SCAPER: variants seen among roughly 807,000 people sequenced by gnomAD.
SCAPER encodes S-phase cyclin A associated protein in the ER.
In SCAPER, 98 loss-of-function variants were observed where a neutral mutation model predicts 182.2. The ratio of observed to expected loss-of-function variants is 0.54; its 90% confidence interval spans 0.46 to 0.64. The LOEUF is 0.64. SCAPER is among the 30% of genes least tolerant of loss of function. SCAPER has a pLI of 0.00. For synonymous variants in SCAPER, 605 were observed against 564.6 expected, an observed-to-expected ratio of 1.07 and a Z score of -1.01; for missense variants, 1,432 against 1,690.0, an observed-to-expected ratio of 0.85 and a Z score of 2.68.
chr15:76,564,334 T>C (rs1567470239), intron 23 of SCAPER, among the ~76,000 whole-genome samples: 1 of 152,158 alleles, frequency 6.6e-6, no homozygotes, highest in East Asian at 1.9e-4. Flanking sequence ...ACAAAATCAA[T>C]GTGCAAAAAT....
intron 26 of SCAPER, among the ~76,000 whole-genome samples, chr15:76,427,187 C>T (rs1435312635): frequency 2.6e-5 from 4 of 151,952 alleles, no homozygotes; most frequent in African/African-American, 9.7e-5. Context: ...ATCTTAAAAC[C>T]ACAATTAACA....
At chr15:76,569,161 A>G (rs2047260230) in intron 23 of SCAPER, among the ~76,000 whole-genome samples, 1 of 152,152 alleles carries the variant, frequency 6.6e-6, no homozygotes, top group African/African-American at 2.4e-5. Context: ...ACATTTCACC[A>G]GTAAATATTA....
rs571998295 is a variant in SCAPER at position 76,822,958 on chromosome 15, G to A, written c.394-18325C>T. Among the ~76,000 whole-genome samples, 4 of 152,132 alleles carry A rather than the reference G, an allele frequency of 2.6e-5. No homozygotes were observed. In the East Asian group the frequency reaches 7.7e-4, roughly 29 times the overall value. ...ACCAGTCTCATACCATTCTCACTTT[G>A]CCATAAAGATATACCAGTCTCACCT... On this transcript the variant is annotated intron_variant, in intron 5 of 31. Transcript: ENST00000563290.
At chr15:76,774,265 C>CAAA in intron 9 of SCAPER, 5 of 224,606 alleles carry the variant, frequency 2.2e-5, no homozygotes, top group South Asian at 9.9e-5. Flanking sequence ...GGACAATGTA[C>CAAA]AAAAAAAAAA....
At chr15:76,579,851 C>G (rs2048138768) in intron 22 of SCAPER, among the ~76,000 whole-genome samples, 1 of 151,770 alleles carries the variant, frequency 6.6e-6, no homozygotes. Context: ...AAATGGAAAC[C>G]AAACAAGAGT....
chr15:76,510,258 G>T (rs575905459), intron 23 of SCAPER, among the ~76,000 whole-genome samples: 1 of 152,222 alleles, frequency 6.6e-6, no homozygotes, highest in Non-Finnish European at 1.5e-5. Context: ...CTTTTGCATG[G>T]CAAAAGGAAC....
At position 76,446,290 on chromosome 15, in the gene SCAPER, C is replaced by A. The variant is rs1430568680; in HGVS notation, c.3079-11980G>T. ...AATCAAGGTGACACGTGAAAGTGCTCAAAAATTATAAAGCACTAAACAAGC... is the reference window on the plus strand; with the variant it reads ...AATCAAGGTGACACGTGAAAGTGCTAAAAAATTATAAAGCACTAAACAAGC... On this transcript the variant is annotated intron_variant, in intron 25 of 31. Transcript: ENST00000563290. Among the ~76,000 whole-genome samples, 8 of 152,146 alleles carry A rather than the reference C, an allele frequency of 5.3e-5. 1 individual carries two copies. In the South Asian group the frequency reaches 1.2e-3, roughly 24 times the overall value.
At chr15:76,713,918 A>G (rs186682490) in intron 17 of SCAPER, among the ~76,000 whole-genome samples, 4 of 152,302 alleles carry the variant, frequency 2.6e-5, no homozygotes, top group Admixed American at 1.3e-4. Context: ...AATGGCCACA[A>G]AAAGACTCAT....
Position 76,348,642 on chromosome 15 carries a change from C to A in SCAPER, c.4194G>T (p.Glu1398Asp). ...EEARQFFLKK[E>D]KK ...GAATCAACCAAAACATTTATTTTTTCTCTTTTTTCAAGAAAAACTGTCGAG... is the reference window on the plus strand; with the variant it reads ...GAATCAACCAAAACATTTATTTTTTATCTTTTTTCAAGAAAAACTGTCGAG... Residue 1398 changes from glutamate to aspartate, a missense_variant, in exon 32 of 32, where the codon GAG becomes GAT. Coordinates refer to ENST00000563290, the MANE Select transcript of SCAPER (RefSeq NM_020843.4). The A allele has an allele frequency of 6.5e-7, 1 of 1,541,136 alleles. No individual in the cohort carries two copies. Among genetic ancestry groups the A allele is most frequent in the Non-Finnish European group, 8.8e-7 (1 of 1,141,928 alleles).
At chr15:76,645,376 T>A (rs531816076) in intron 21 of SCAPER, among the ~76,000 whole-genome samples, 2 of 152,324 alleles carry the variant, frequency 1.3e-5, no homozygotes, top group East Asian at 3.9e-4. Context: ...ATTATCTCTT[T>A]ATTAGTTACC....
intron 22 of SCAPER, among the ~76,000 whole-genome samples, chr15:76,580,017 T>C (rs866335561): frequency 1.3e-5 from 2 of 152,128 alleles, no homozygotes; most frequent in Non-Finnish European, 2.9e-5. Context: ...CACACAGATA[T>C]GTAAAGCAAA....
At position 76,514,901 on chromosome 15, in the gene SCAPER, G is replaced by T. The variant is rs145404162; in HGVS notation, c.2839-9927C>A. Among the ~76,000 whole-genome samples the T allele has an allele frequency of 5.0e-4, 76 of 152,280 alleles. 1 individual carries two copies. Among genetic ancestry groups the T allele is most frequent in the African/African-American group, 1.7e-3 (71 of 41,568 alleles). On this transcript the variant is annotated intron_variant, in intron 23 of 31. Coordinates refer to ENST00000563290, the MANE Select transcript of SCAPER (RefSeq NM_020843.4). ...GAAGCACAATGAGATGATGCTCCTTGTTCTGTGTTTTTCCCTTACAAGCTT... is the reference window on the plus strand; with the variant it reads ...GAAGCACAATGAGATGATGCTCCTTTTTCTGTGTTTTTCCCTTACAAGCTT...
intron 5 of SCAPER, among the ~76,000 whole-genome samples, chr15:76,816,541 C>T (rs866224787): frequency 4.3e-4 from 65 of 152,268 alleles, no homozygotes; most frequent in African/African-American, 1.5e-3. Flanking sequence ...CCTGGAATAC[C>T]ACCTAAGGAC....
chr15:76,780,877 GTAGGTCACCAACATCAA>G (rs1282765283), intron 8 of SCAPER, among the ~76,000 whole-genome samples: 1 of 152,210 alleles, frequency 6.6e-6, no homozygotes. Flanking sequence ...AACCCCATCT[GTAGGTCACCAACATCAA>G]GGATCAAAGG....
chr15:76,664,489 T>C (rs2056422339), intron 21 of SCAPER, among the ~76,000 whole-genome samples: 1 of 152,126 alleles, frequency 6.6e-6, no homozygotes, highest in South Asian at 2.1e-4. Context: ...TAGGTTTTTG[T>C]GGCAAGAAGA....
intron 8 of SCAPER, among the ~76,000 whole-genome samples, chr15:76,791,474 G>T (rs1436102981): frequency 6.6e-6 from 1 of 152,072 alleles, no homozygotes; most frequent in Non-Finnish European, 1.5e-5. Flanking sequence ...AGGGTGCAGG[G>T]GAAGTGAGTC....
intron 8 of SCAPER, among the ~76,000 whole-genome samples, chr15:76,786,609 T>C (rs184161345): frequency 3.7e-4 from 56 of 152,280 alleles, no homozygotes; most frequent in African/African-American, 1.3e-3. Flanking sequence ...ACCATGCTTA[T>C]TCAATAGCTT....
intron 14 of SCAPER, among the ~76,000 whole-genome samples, chr15:76,758,189 G>GT (rs1311255486): frequency 1.3e-5 from 2 of 151,932 alleles, no homozygotes; most frequent in Non-Finnish European, 1.5e-5. Context: ...TTTTCTGCAA[G>GT]TTTTTTTCTA....
Position 76,814,336 on chromosome 15 carries a change from A to G in SCAPER, c.394-9703T>C, listed in dbSNP as rs76990178. On this transcript the variant is annotated intron_variant, in intron 5 of 31. Transcript: ENST00000563290. Reference sequence around the variant, plus strand: ...GAGAGAGAAAAATTAAATTGGAGGCATCACATTTCCTGACTGTAGATTACA... The same window carrying G: ...GAGAGAGAAAAATTAAATTGGAGGCGTCACATTTCCTGACTGTAGATTACA... Among the ~76,000 whole-genome samples the G allele has an allele frequency of 6.1e-3, 929 of 152,354 alleles. 7 individuals are homozygous for G. Among genetic ancestry groups the G allele is most frequent in the African/African-American group, 0.02 (849 of 41,582 alleles).
Sources: gnomAD v4.1 joint callset for allele counts (sites outside exome capture counted in the v4.1 genomes callset) on GRCh38, gnomAD v4.1.1 for gene constraint, MANE v1.5 for transcripts, NCBI Gene and HGNC (gene_info 2026-07-23, HGNC 2026-07-21) for gene names.